Variants in HROB observed in about 807,000 individuals in gnomAD.
HROB encodes homologous recombination factor with OB-fold, also known as homologous recombination OB-fold protein.
HROB carries 44 observed loss-of-function variants against 61.0 expected under a neutral mutation model. That is an observed-to-expected ratio of 0.72 (90% CI 0.57 to 0.93). The LOEUF (loss-of-function observed/expected upper bound fraction) is 0.93, where lower values mean the gene tolerates loss of function less well. Ranked by LOEUF, HROB falls within the 40% of genes least tolerant of loss-of-function variation. The pLI is 0.00. For synonymous variants in HROB, 301 were observed against 310.4 expected (o/e 0.97, Z 0.32); for missense variants, 716 against 796.2 (o/e 0.90, Z 1.21).
intron 5 of HROB, 127 bp from the exon 6 acceptor site, chr17:44,154,429 C>A (rs2053909211): frequency 3.6e-6 from 3 of 830,528 alleles, no homozygotes; most frequent in Non-Finnish European, 6.0e-6. Flanking sequence ...TTGTCCTCCA[C>A]AAAGAAGATC....
chr17:44,145,218 A>T lies in HROB; in HGVS notation c.19A>T (p.Lys7Ter). The change falls in exon 2 of 10, where the codon AAG becomes TAG. Residue 7 changes from lysine (K) to a stop codon, truncating the protein, a stop_gained. Transcript: ENST00000585683. LOFTEE classifies it high-confidence loss of function. MACSLQ[K>*]LFAVEEEFED... is the part of the protein sequence containing the mutation. ...TTCTTTTCAGGCGTGCAGTTTGCAG[A>T]AGCTGTTTGCTGTGGAAGAGGAGTT... The T allele has an allele frequency of 6.2e-7, 1 of 1,613,928 alleles. No individual in the cohort carries two copies. The highest frequency in any genetic ancestry group is 8.5e-7 in the Non-Finnish European group (1 of 1,179,848).
At chr17:44,153,655 G>T (rs1041516318) in intron 5 of HROB, among the ~76,000 whole-genome samples, 3 of 152,220 alleles carry the variant, frequency 2.0e-5, no homozygotes, top group African/African-American at 7.2e-5. Context: ...TGAGGCAGGA[G>T]AATTGCTTGA....
In HROB at chr17:44,148,029, G is replaced by T; in HGVS notation, c.226G>T (p.Asp76Tyr). The T allele has an allele frequency of 6.2e-7, 1 of 1,614,014 alleles. No individual in the cohort carries two copies. The highest frequency in any genetic ancestry group is 8.5e-7 in the Non-Finnish European group (1 of 1,180,024). The change falls in exon 3 of 10, where the codon GAC becomes TAC. Residue 76 changes from aspartate (D) to tyrosine (Y), a missense_variant. By Grantham distance (160) the Asp-to-Tyr change is radical (BLOSUM62 -3). Coordinates refer to ENST00000585683, the MANE Select transcript of HROB (RefSeq NM_001171251.3). ...TAPSEALGLP[D>Y]LDLCLPASST... Reference sequence around the variant, plus strand: ...TCCCTCAGAGGCTTTGGGCCTGCCAGACTTGGACCTCTGCCTCCCTGCCTC... The same window carrying T: ...TCCCTCAGAGGCTTTGGGCCTGCCATACTTGGACCTCTGCCTCCCTGCCTC...
At position 44,148,199 on chromosome 17, in the gene HROB, A is replaced by G. The variant is rs2053672135; in HGVS notation, c.396A>G (p.Ser132=). 1 of 1,614,216 alleles carries G rather than the reference A, an allele frequency of 6.2e-7. No homozygotes were observed. Among genetic ancestry groups the G allele is most frequent in the Admixed American group, 1.7e-5 (1 of 60,016 alleles). The change falls in exon 3 of 10, where the codon TCA becomes TCG. Residue 132 remains serine (S), a synonymous_variant. Transcript: ENST00000585683. ...GAGAGACAGCAAGACCTCAGTCCTC[A>G]GCCTTACACCCCCTACTCACCTTTG... The part of the protein sequence containing the change: ...VLRETARPQS[S]ALHPLLTFES...
intron 8 of HROB, among the ~76,000 whole-genome samples, chr17:44,156,043 C>T (rs2053959642): frequency 6.6e-6 from 1 of 152,138 alleles, no homozygotes; most frequent in Non-Finnish European, 1.5e-5. Flanking sequence ...TGTACTGTGA[C>T]CTTGGGCAAG....
intron 4 of HROB, among the ~76,000 whole-genome samples, chr17:44,151,950 T>C (rs893961885): frequency 1.3e-5 from 2 of 151,992 alleles, no homozygotes; most frequent in Non-Finnish European, 2.9e-5. Flanking sequence ...GGGTTCAGGC[T>C]ATTCTCCTGC....
At chr17:44,152,547 CCT>C in intron 4 of HROB, 88 bp from the exon 5 acceptor site, 4 of 1,443,866 alleles carry the variant, frequency 2.8e-6, no homozygotes, top group Non-Finnish European at 3.7e-6. Flanking sequence ...ATTTGCCTTT[CCT>C]CTCTCACCCT....
intron 3 of HROB, 141 bp downstream of exon 3, chr17:44,149,168 TAAAAG>T: frequency 1.7e-5 from 15 of 896,734 alleles, no homozygotes; most frequent in Non-Finnish European, 2.5e-5. Flanking sequence ...GCAGGAGAAA[TAAAAG>T]GGAAGAACTG....
At chr17:44,153,866 A>G (rs928670043) in intron 5 of HROB, among the ~76,000 whole-genome samples, 3 of 151,702 alleles carry the variant, frequency 2.0e-5, no homozygotes, top group African/African-American at 7.3e-5. Flanking sequence ...CCTGGCCAAC[A>G]TGGTGAAACC....
Position 44,145,413 on chromosome 17 carries a change from C to T in HROB, c.54+160C>T, listed in dbSNP as rs188371540. 4.8e-3 allele frequency among the ~76,000 whole-genome samples: 724 copies of T among 152,292 alleles called. 4 individuals carry two copies. Among genetic ancestry groups the T allele is most frequent in the Non-Finnish European group, 7.5e-3 (508 of 68,030 alleles). ...AGAAGTGATGAGAAGTGTAAACAACCTACTTAACTGTCTTAGAAACAAAAA... is the reference window on the plus strand; with the variant it reads ...AGAAGTGATGAGAAGTGTAAACAACTTACTTAACTGTCTTAGAAACAAAAA... On this transcript the variant is annotated intron_variant, in intron 2 of 9. Transcript: ENST00000585683.
chr17:44,151,336 A>G (rs746347364), intron 4 of HROB, among the ~76,000 whole-genome samples: 6 of 152,136 alleles, frequency 3.9e-5, no homozygotes, highest in Non-Finnish European at 5.9e-5. Context: ...GGAGACTGTG[A>G]TAAGTATTAT....
intron 1 of HROB, among the ~76,000 whole-genome samples, chr17:44,143,344 ATAAAAATT>A (rs948295412): frequency 1.3e-5 from 2 of 152,052 alleles, no homozygotes; most frequent in African/African-American, 2.4e-5. Context: ...CCCCGTATCT[ATAAAAATT>A]TAAAAATTAG....
chr17:44,159,730 A>T (rs571656425), intron 9 of HROB, among the ~76,000 whole-genome samples: 1 of 152,372 alleles, frequency 6.6e-6, no homozygotes, highest in Admixed American at 6.5e-5. Context: ...GGAGGACAGC[A>T]TATGTCAGCG....
chr17:44,156,745 C>T (rs2053983005), intron 8 of HROB, among the ~76,000 whole-genome samples: 1 of 151,714 alleles, frequency 6.6e-6, no homozygotes, highest in Admixed American at 6.6e-5. Flanking sequence ...CTCACTGCAA[C>T]TTCACCTCCC....
intron 9 of HROB, among the ~76,000 whole-genome samples, chr17:44,159,818 TAAAAG>T (rs773976557): frequency 1.3e-5 from 2 of 152,206 alleles, no homozygotes; most frequent in Non-Finnish European, 2.9e-5. Context: ...TCCAAGAACT[TAAAAG>T]AAGAACCAGG....
chr17:44,149,106 T>G, intron 3 of HROB, 79 bp downstream of exon 3: 20 of 1,364,016 alleles, frequency 1.5e-5, no homozygotes, highest in African/African-American at 2.9e-5. Flanking sequence ...CTAGCATATC[T>G]TCCCTCTTGC....
chr17:44,162,001 G>C lies in HROB; in HGVS notation c.*69G>C, dbSNP rs1222431713. The stretch of plus-strand genomic sequence containing the variant: ...GGGCATGTGTCTGGTCACATCCAAG[G>C]GGGAGAAGAAGGCCAGCATGATTGG... On this transcript the variant is annotated 3_prime_UTR_variant, in exon 10 of 10. Coordinates refer to ENST00000585683, the MANE Select transcript of HROB (RefSeq NM_001171251.3). 27 of 1,531,024 alleles carry C rather than the reference G, an allele frequency of 1.8e-5. No homozygotes were observed. In the East Asian group the frequency reaches 5.9e-4, roughly 33 times the overall value. The allele number at this position is 1,531,024 out of a possible 1,614,324, so 94.8% of individuals were successfully genotyped here. A position where few individuals can be genotyped will look rare whatever the true frequency, so the allele number is the denominator to read the frequency against.
intron 1 of HROB, among the ~76,000 whole-genome samples, chr17:44,143,603 C>T (rs970165549): frequency 2.6e-5 from 4 of 151,694 alleles, no homozygotes; most frequent in African/African-American, 7.3e-5. Flanking sequence ...AAAATCGTGC[C>T]GCTGGACTTC....
chr17:44,150,394 T>G (rs1375357758), intron 3 of HROB, among the ~76,000 whole-genome samples: 1 of 47,552 alleles, frequency 2.1e-5, no homozygotes, highest in African/African-American at 4.0e-4. Context: ...CTTTCTTTCT[T>G]TTTTTTTTTT....
Sources: gnomAD v4.1 joint callset for allele counts (sites outside exome capture counted in the v4.1 genomes callset) on GRCh38, gnomAD v4.1.1 for gene constraint, MANE v1.5 for transcripts, NCBI Gene and HGNC (gene_info 2026-07-23, HGNC 2026-07-21) for gene names.